Variants in MPP7 observed in about 807,000 individuals in gnomAD.
The protein encoded by MPP7 is MAGUK p55 subfamily member 7.
In MPP7, 60 loss-of-function variants were observed where a neutral mutation model predicts 76.5. That is an observed-to-expected ratio of 0.78 (90% confidence interval 0.64 to 0.97). MPP7 has a LOEUF of 0.97. MPP7 is among the 50% of genes least tolerant of loss of function. MPP7 has a pLI of 0.00. For missense variants in MPP7, 641 were observed against 694.0 expected (o/e 0.92, Z 0.86); for synonymous variants, 237 against 244.5 (o/e 0.97, Z 0.29).
chr10:28,299,396 A>G (rs1841101187), intron 1 of MPP7, among the ~76,000 whole-genome samples: 1 of 152,160 alleles, frequency 6.6e-6, no homozygotes, highest in South Asian at 2.1e-4. Flanking sequence ...GTTGGTGGAG[A>G]TATCAGAACA....
chr10:28,308,261 T>C (rs1158994937), intron 2 of MPP7, among the ~76,000 whole-genome samples: 3 of 152,208 alleles, frequency 2.0e-5, no homozygotes, highest in African/African-American at 7.2e-5. Context: ...GTGTGCAGAC[T>C]GGTCTTCAGT....
rs1195004720 is a variant in MPP7 at position 28,119,050 on chromosome 10, C to T, written c.952+601G>A. ...GTGGTGGGAAATAAAGAAAAGCTGA[C>T]AGAAGATTAGGCTGAAAGAGAAAAA... On this transcript the variant is annotated intron_variant, in intron 11 of 16. Coordinates refer to ENST00000683449, the MANE Select transcript of MPP7 (RefSeq NM_001318170.2). 3.0e-6 allele frequency: 3 copies of T among 985,150 alleles called. No homozygotes were observed. The African/African-American group carries it at 5.2e-5, about 17-fold the overall frequency. The allele number at this position is 985,150 out of a possible 1,614,324, so 61.0% of individuals were successfully genotyped here.
At chr10:28,308,127 G>C (rs1174514028) in intron 2 of MPP7, among the ~76,000 whole-genome samples, 1 of 151,868 alleles carries the variant, frequency 6.6e-6, no homozygotes, top group Admixed American at 6.6e-5. Flanking sequence ...GCTGCTCCAG[G>C]TGATCCTTGT....
chr10:28,063,966 C>G (rs1851894459), intron 13 of MPP7, among the ~76,000 whole-genome samples: 1 of 152,130 alleles, frequency 6.6e-6, no homozygotes. Flanking sequence ...TGTGAAGCAC[C>G]TGGAGCTCAC....
intron 2 of MPP7, among the ~76,000 whole-genome samples, chr10:28,322,373 T>A (rs1372178571): frequency 6.6e-6 from 1 of 151,848 alleles, no homozygotes; most frequent in South Asian, 2.1e-4. Flanking sequence ...CCTGCTTTTC[T>A]AAAAAAATAA....
At chr10:28,254,004 GA>G (rs199511617) in intron 1 of MPP7, among the ~76,000 whole-genome samples, 4,786 of 92,406 alleles carry the variant, frequency 0.052, 34 homozygotes, top group Middle Eastern at 0.13. Flanking sequence ...TCACAAAAAA[GA>G]AAAAAAAAAA....
At chr10:28,300,214 C>A (rs1189517333) in intron 1 of MPP7, among the ~76,000 whole-genome samples, 1 of 152,052 alleles carries the variant, frequency 6.6e-6, no homozygotes, top group African/African-American at 2.4e-5. Context: ...AAGCGCCCCC[C>A]AGTGCACCAT....
chr10:28,322,155 A>G (rs1250098031), intron 2 of MPP7, among the ~76,000 whole-genome samples: 6 of 152,066 alleles, frequency 3.9e-5, no homozygotes, highest in Admixed American at 3.9e-4. Flanking sequence ...GCACTCCAGG[A>G]CTTGCAATCA....
At chr10:28,054,279 A>G (rs1475943331) in intron 16 of MPP7, 35 bp from the exon 17 acceptor site, 1 of 1,318,926 alleles carries the variant, frequency 7.6e-7, no homozygotes, top group Non-Finnish European at 1.1e-6. Context: ...TAATTGGTTA[A>G]CCAGGCCATT....
chr10:28,274,881 A>G (rs1840443369), intron 1 of MPP7, among the ~76,000 whole-genome samples: 1 of 152,310 alleles, frequency 6.6e-6, no homozygotes, highest in Non-Finnish European at 1.5e-5. Flanking sequence ...TTCTAGTCAC[A>G]TTTAATTTGC....
chr10:28,291,088 T>C, intron 1 of MPP7, among the ~76,000 whole-genome samples: 1 of 152,240 alleles, frequency 6.6e-6, no homozygotes. Flanking sequence ...AGGATGTTTC[T>C]AGTATTTCAG....
intron 1 of MPP7, among the ~76,000 whole-genome samples, chr10:28,295,634 CAA>C (rs1841020000): frequency 6.6e-6 from 1 of 152,240 alleles, no homozygotes; most frequent in Non-Finnish European, 1.5e-5. Flanking sequence ...AGAAACTGTC[CAA>C]GAGTGTGTTT....
intron 12 of MPP7, among the ~76,000 whole-genome samples, chr10:28,074,887 T>G (rs1852415246): frequency 6.6e-6 from 1 of 152,214 alleles, no homozygotes; most frequent in African/African-American, 2.4e-5. Flanking sequence ...ACACTGTCCT[T>G]TTATCACACA....
At chr10:28,305,385 T>C (rs1337318648), upstream of MPP7, 2 of 152,298 alleles carry the variant, frequency 1.3e-5, no homozygotes, top group East Asian at 3.9e-4. Flanking sequence ...TTATTTTTTT[T>C]TTTCCTTTTT....
intron 1 of MPP7, among the ~76,000 whole-genome samples, chr10:28,243,034 A>G (rs1016818757): frequency 2.6e-5 from 4 of 152,200 alleles, no homozygotes; most frequent in African/African-American, 7.2e-5. Context: ...CACTTGTGCA[A>G]TGATTTGAGT....
chr10:28,295,435 A>G (rs1841016021), intron 1 of MPP7, among the ~76,000 whole-genome samples: 1 of 152,194 alleles, frequency 6.6e-6, no homozygotes, highest in African/African-American at 2.4e-5. Context: ...AGGAAGAGAA[A>G]AAAACAATAT....
chr10:28,132,890 ACC>A, intron 5 of MPP7, among the ~76,000 whole-genome samples: 1 of 44,960 alleles, frequency 2.2e-5, no homozygotes, highest in South Asian at 5.5e-4. Context: ...GAGCCACTGC[ACC>A]TAGTGCATAT....
rs1233843095 is a variant in MPP7 at position 28,054,262 on chromosome 10, A to G, written c.1552-18T>C. ...TCTTCTTCCTACAAAAGGAAGTATT[A>G]AAAAAATAATTGGTTAACCAGGCCA... On this transcript the variant is annotated intron_variant, in intron 16 of 16. Coordinates refer to ENST00000683449, the MANE Select transcript of MPP7 (RefSeq NM_001318170.2). 6.7e-7 allele frequency: 1 copy of G among 1,486,258 alleles called. No homozygotes were observed. The highest frequency in any genetic ancestry group is 2.3e-5 in the East Asian group (1 of 42,954). The allele number at this position is 1,486,258 out of a possible 1,614,324, so 92.1% of individuals were successfully genotyped here.
At chr10:28,233,931 GAGAAGAC>G (rs1354312022) in intron 2 of MPP7, among the ~76,000 whole-genome samples, 2 of 150,824 alleles carry the variant, frequency 1.3e-5, no homozygotes, top group African/African-American at 4.9e-5. Flanking sequence ...GGAAAGAAGA[GAGAAGAC>G]AGAAGAGGGA....
Sources: gnomAD v4.1 joint callset for allele counts (sites outside exome capture counted in the v4.1 genomes callset) on GRCh38, gnomAD v4.1.1 for gene constraint, MANE v1.5 for transcripts, NCBI Gene and HGNC (gene_info 2026-07-23, HGNC 2026-07-21) for gene names.